The following FBXO24 variants were observed in gnomAD, a reference collection of about 807,000 sequenced individuals.
FBXO24 encodes F-box only protein 24.
FBXO24 carries 30 observed loss-of-function variants against 63.5 expected under a neutral mutation model. That is an observed-to-expected ratio of 0.47 (90% CI 0.35 to 0.64). The LOEUF (loss-of-function observed/expected upper bound fraction) is 0.64. FBXO24 is among the 30% of genes least tolerant of loss of function. The probability of loss-of-function intolerance (pLI) is 0.00; values close to 1 mark genes in which losing one functional copy is unlikely to be tolerated. For missense variants in FBXO24, 624 were observed against 763.4 expected (o/e 0.82, Z 2.15); for synonymous variants, 300 against 305.0 (o/e 0.98, Z 0.17).
intron 3 of FBXO24, among the ~76,000 whole-genome samples, chr7:100,591,385 A>G (rs1802019166): frequency 6.6e-6 from 1 of 152,014 alleles, no homozygotes; most frequent in South Asian, 2.1e-4. Flanking sequence ...TTATTCTTAG[A>G]GTTTTCCTCA....
At chr7:100,591,252 G>A (rs900530839) in intron 3 of FBXO24, among the ~76,000 whole-genome samples, 9 of 151,908 alleles carry the variant, frequency 5.9e-5, no homozygotes, top group Admixed American at 6.6e-5. Flanking sequence ...GCCCAGGCTG[G>A]TCTCAAACTC....
intron 8 of FBXO24, among the ~76,000 whole-genome samples, chr7:100,596,901 G>T (rs1212133698): frequency 6.6e-6 from 1 of 152,126 alleles, no homozygotes; most frequent in African/African-American, 2.4e-5. Flanking sequence ...AATTAGCCAG[G>T]TGTGGTGGTG....
intron 8 of FBXO24, among the ~76,000 whole-genome samples, chr7:100,599,250 T>C (rs1802463062): frequency 6.6e-6 from 1 of 151,816 alleles, no homozygotes; most frequent in Non-Finnish European, 1.5e-5. Flanking sequence ...TGAGACCCCA[T>C]CTCTAAAAAA....
At chr7:100,590,122 G>A in intron 2 of FBXO24, 47 bp downstream of exon 2, 1 of 1,607,384 alleles carries the variant, frequency 6.2e-7, no homozygotes, top group South Asian at 1.1e-5. Flanking sequence ...TTGGGGGCCA[G>A]ATCACCGAGG....
rs889030962 is a variant in FBXO24 at position 100,586,380 on chromosome 7, A to T, written c.-246A>T. The T allele has an allele frequency of 3.2e-6, 2 of 629,498 alleles. No individual in the cohort carries two copies. The highest frequency in any genetic ancestry group is 3.7e-5 in the African/African-American group (2 of 54,290). The allele number at this position is 629,498 out of a possible 1,614,324, so 39.0% of individuals were successfully genotyped here. A position where few individuals can be genotyped will look rare whatever the true frequency, so the allele number is the denominator to read the frequency against. On this transcript the variant is annotated 5_prime_UTR_variant, in exon 1 of 10. Coordinates refer to ENST00000241071, the MANE Select transcript of FBXO24 (RefSeq NM_033506.3). ...AGGCCGTCCCGCCCAGCGCAGCTGC[A>T]CCCAATCACAATGCTCAGATCGGGA...
chr7:100,586,426 A>G lies in FBXO24; in HGVS notation c.-200A>G. On this transcript the variant is annotated 5_prime_UTR_variant, in exon 1 of 10. Transcript: ENST00000241071. ...CGGGAGGTGGAGCCAATCAGGTCCA[A>G]CCAAGAGGAGGGGACACCGGCACTC... is the stretch of plus-strand genomic sequence containing the variant. The G allele has an allele frequency of 1.5e-6, 1 of 655,472 alleles. No individual in the cohort carries two copies. The highest frequency in any genetic ancestry group is 2.7e-5 in the East Asian group (1 of 36,784). 40.6% of individuals were successfully genotyped at this position (655,472 alleles called of 1,614,324 possible).
rs761340202 is a variant in FBXO24 at position 100,595,089 on chromosome 7, C to T, written c.953-13C>T. The T allele has an allele frequency of 3.0e-5, 49 of 1,613,674 alleles. No individual in the cohort carries two copies. Among genetic ancestry groups the T allele is most frequent in the Non-Finnish European group, 3.7e-5 (44 of 1,179,830 alleles). On this transcript the variant is annotated splice_polypyrimidine_tract_variant and intron_variant, in intron 6 of 9. Coordinates refer to ENST00000241071, the MANE Select transcript of FBXO24 (RefSeq NM_033506.3). ...GCCCAAAGCTGCTGAGCTGAGGGCTCCTGACCCCCCAGACCAGGGGGGAGT... is the reference window on the plus strand; with the variant it reads ...GCCCAAAGCTGCTGAGCTGAGGGCTTCTGACCCCCCAGACCAGGGGGGAGT...
rs184072405 is a variant in FBXO24, at chr7:100,597,458, C to T, written c.1206+1752C>T. ...TGTCTCCCAGGCTGGAGTGCAATGG[C>T]GCGATCTCGGCTCACTGCAACCTCT... On this transcript the variant is annotated intron_variant, in intron 8 of 9. Coordinates refer to ENST00000241071, the MANE Select transcript of FBXO24 (RefSeq NM_033506.3). 3.9e-3 allele frequency among the ~76,000 whole-genome samples: 600 copies of T among 152,050 alleles called. 4 individuals carry two copies. Among genetic ancestry groups the T allele is most frequent in the African/African-American group, 0.014 (574 of 41,482 alleles).
chr7:100,587,086 GC>G (rs1025950251), intron 1 of FBXO24, among the ~76,000 whole-genome samples: 5 of 152,160 alleles, frequency 3.3e-5, no homozygotes, highest in African/African-American at 1.2e-4. Flanking sequence ...CCTAGAACAC[GC>G]CCTTGGTGCT....
At chr7:100,597,942 A>G (rs1802394800) in intron 8 of FBXO24, among the ~76,000 whole-genome samples, 1 of 134,628 alleles carries the variant, frequency 7.4e-6, no homozygotes, top group Admixed American at 7.6e-5. Flanking sequence ...CCAAGCTTAT[A>G]TTGAACTCAT....
Position 100,590,363 on chromosome 7 carries a change from C to T in FBXO24, c.322+6C>T. ...GAGAGCTGCCATTCTGAACTGTACACCTTCCCCAGAACCTCCCGTTCTCCT... is the reference window on the plus strand; with the variant it reads ...GAGAGCTGCCATTCTGAACTGTACATCTTCCCCAGAACCTCCCGTTCTCCT... On this transcript the variant is annotated splice_donor_region_variant and intron_variant, in intron 3 of 9. Transcript: ENST00000241071. 1 of 1,601,494 alleles carries T rather than the reference C, an allele frequency of 6.2e-7. No homozygotes were observed. Among genetic ancestry groups the T allele is most frequent in the Non-Finnish European group, 8.5e-7 (1 of 1,171,598 alleles).
intron 3 of FBXO24, 134 bp downstream of exon 3, chr7:100,590,491 C>G: frequency 1.1e-6 from 1 of 881,766 alleles, no homozygotes; most frequent in Non-Finnish European, 1.7e-6. Context: ...GAAACGGGTC[C>G]AGTTCAAACA....
intron 1 of FBXO24, among the ~76,000 whole-genome samples, chr7:100,587,346 A>G (rs368401762): frequency 6.2e-4 from 94 of 152,024 alleles, no homozygotes; most frequent in African/African-American, 2.2e-3. Context: ...TCAGTCGCCC[A>G]GGCTGGAGTG....
At chr7:100,589,781 G>C in intron 1 of FBXO24, 196 bp from the exon 2 acceptor site, 3 of 1,532,770 alleles carry the variant, frequency 2.0e-6, no homozygotes, top group Non-Finnish European at 2.6e-6. Context: ...GTGGACGGGA[G>C]GAGGGGCTCC....
intron 8 of FBXO24, among the ~76,000 whole-genome samples, chr7:100,596,950 G>A (rs925153021): frequency 1.5e-4 from 23 of 152,254 alleles, no homozygotes; most frequent in African/African-American, 5.3e-4. Context: ...TCTGAGGCAC[G>A]AGAATTGCTT....
intron 1 of FBXO24, 104 bp from the exon 2 acceptor site, chr7:100,589,873 A>G (rs995208619): frequency 1.2e-5 from 18 of 1,548,812 alleles, no homozygotes; most frequent in Non-Finnish European, 1.5e-5. Flanking sequence ...AGGGGAGGAA[A>G]TAACTGTGCC....
chr7:100,593,426 C>T (rs964588023), intron 5 of FBXO24, among the ~76,000 whole-genome samples: 3 of 151,900 alleles, frequency 2.0e-5, no homozygotes, highest in African/African-American at 4.8e-5. Flanking sequence ...GTCAAGAGAT[C>T]GAGACCAACA....
intron 1 of FBXO24, 132 bp from the exon 2 acceptor site, chr7:100,589,845 G>A: frequency 3.9e-6 from 6 of 1,537,868 alleles, no homozygotes; most frequent in Non-Finnish European, 4.4e-6. Context: ...GAGAAGTTAG[G>A]GATGGGTCTG....
Position 100,590,094 on chromosome 7 carries a change from G to C in FBXO24, c.138+19G>C. On this transcript the variant is annotated intron_variant, in intron 2 of 9. Transcript: ENST00000241071. The stretch of plus-strand genomic sequence containing the variant: ...AGAGCTGGTGAGTCCTTGGGGAGGG[G>C]GATTGAGAATAATAGGATTGGGGGC... 6.2e-7 allele frequency: 1 copy of C among 1,610,540 alleles called. No homozygotes were observed. Among genetic ancestry groups the C allele is most frequent in the Non-Finnish European group, 8.5e-7 (1 of 1,177,818 alleles).
Sources: gnomAD v4.1 joint callset for allele counts (sites outside exome capture counted in the v4.1 genomes callset) on GRCh38, gnomAD v4.1.1 for gene constraint, MANE v1.5 for transcripts, NCBI Gene and HGNC (gene_info 2026-07-23, HGNC 2026-07-21) for gene names.